ANKS1B: variants seen among roughly 807,000 people sequenced by gnomAD.
The protein encoded by ANKS1B is ankyrin repeat and sterile alpha motif domain containing 1B.
ANKS1B carries 36 observed loss-of-function variants against 148.3 expected under a neutral mutation model. The ratio of observed to expected loss-of-function variants is 0.24; its 90% CI spans 0.19 to 0.32. ANKS1B has a LOEUF of 0.32. Ranked by LOEUF, ANKS1B falls within the 10% of genes least tolerant of loss-of-function variation. ANKS1B has a pLI of 1.00. For missense variants in ANKS1B, 1,157 were observed against 1,542.6 expected (o/e 0.75, Z 4.19); for synonymous variants, 542 against 560.8 (o/e 0.97, Z 0.47).
intron 17 of ANKS1B, among the ~76,000 whole-genome samples, chr12:98,853,077 A>G (rs564205264): frequency 1.3e-5 from 2 of 152,362 alleles, no homozygotes; most frequent in South Asian, 4.1e-4. Flanking sequence ...CAGAAGCTGG[A>G]TACTGTCTTA....
At chr12:99,640,897 C>T (rs1325911735) in intron 9 of ANKS1B, among the ~76,000 whole-genome samples, 1 of 152,068 alleles carries the variant, frequency 6.6e-6, no homozygotes, top group Admixed American at 6.6e-5. Flanking sequence ...TTTATTTTTT[C>T]AGAAAATATA....
intron 9 of ANKS1B, among the ~76,000 whole-genome samples, chr12:99,608,622 T>C (rs550349212): frequency 2.6e-5 from 4 of 151,930 alleles, no homozygotes; most frequent in Non-Finnish European, 4.4e-5. Flanking sequence ...ATGCCAAAGA[T>C]ATCAGGGAGC....
At chr12:99,001,101 G>T (rs1005682240) in intron 17 of ANKS1B, among the ~76,000 whole-genome samples, 2 of 151,906 alleles carry the variant, frequency 1.3e-5, no homozygotes, top group Non-Finnish European at 2.9e-5. Context: ...TGAACAGTGG[G>T]ATACTAATAT....
At chr12:99,196,188 T>A (rs980802073) in intron 14 of ANKS1B, among the ~76,000 whole-genome samples, 1 of 152,180 alleles carries the variant, frequency 6.6e-6, no homozygotes, top group African/African-American at 2.4e-5. Flanking sequence ...GGGAATTACT[T>A]TTATAATCAG....
chr12:99,429,260 T>A (rs2095321836), intron 11 of ANKS1B, among the ~76,000 whole-genome samples: 1 of 152,132 alleles, frequency 6.6e-6, no homozygotes, highest in African/African-American at 2.4e-5. Context: ...AAAATCATTA[T>A]CACAAATCAA....
chr12:99,451,886 A>C (rs1015662095), intron 10 of ANKS1B, among the ~76,000 whole-genome samples: 2 of 152,132 alleles, frequency 1.3e-5, no homozygotes, highest in Non-Finnish European at 2.9e-5. Context: ...TATCAGATAT[A>C]TGAATATAAT....
intron 12 of ANKS1B, among the ~76,000 whole-genome samples, chr12:99,287,317 C>T (rs1823508548): frequency 6.6e-6 from 1 of 152,154 alleles, no homozygotes; most frequent in African/African-American, 2.4e-5. Flanking sequence ...GGTATTTCTA[C>T]AAGTCTGTAA....
At chr12:98,933,849 GT>G (rs918360360) in intron 17 of ANKS1B, among the ~76,000 whole-genome samples, 10 of 150,578 alleles carry the variant, frequency 6.6e-5, no homozygotes, top group African/African-American at 2.2e-4. Flanking sequence ...ATGTTACTAG[GT>G]TTTTTTTTCT....
chr12:98,962,000 A>AGAAG (rs893877651), intron 17 of ANKS1B, among the ~76,000 whole-genome samples: 37 of 151,946 alleles, frequency 2.4e-4, no homozygotes, highest in Admixed American at 5.2e-4. Context: ...AAGAAAAGAA[A>AGAAG]GAAGGAAGGA....
chr12:99,549,312 A>G (rs185462491), intron 9 of ANKS1B, among the ~76,000 whole-genome samples: 4 of 152,280 alleles, frequency 2.6e-5, no homozygotes, highest in Non-Finnish European at 5.9e-5. Context: ...CTTTAATCCA[A>G]TTTTCAAAAT....
chr12:98,857,159 A>AGAG (rs1230343881), intron 17 of ANKS1B, among the ~76,000 whole-genome samples: 1 of 152,214 alleles, frequency 6.6e-6, no homozygotes, highest in African/African-American at 2.4e-5. Context: ...CATGGAGCAC[A>AGAG]GAGGAGGAAG....
chr12:99,453,515 G>A (rs537436000), intron 10 of ANKS1B, among the ~76,000 whole-genome samples: 3 of 152,202 alleles, frequency 2.0e-5, no homozygotes, highest in Middle Eastern at 3.4e-3. Flanking sequence ...ACTGAACCTT[G>A]TTAACAGCCA....
chr12:99,439,327 G>C (rs973125914), intron 11 of ANKS1B, among the ~76,000 whole-genome samples: 1 of 151,610 alleles, frequency 6.6e-6, no homozygotes, highest in African/African-American at 2.4e-5. Flanking sequence ...AAAATATTCT[G>C]CTCATCAAAA....
chr12:98,929,423 C>G (rs758404520), intron 17 of ANKS1B, among the ~76,000 whole-genome samples: 12 of 151,920 alleles, frequency 7.9e-5, no homozygotes, highest in Non-Finnish European at 1.5e-4. Context: ...AATTAATGAG[C>G]TGATCCTAAA....
intron 17 of ANKS1B, among the ~76,000 whole-genome samples, chr12:98,867,454 C>A (rs1362339900): frequency 2.6e-5 from 4 of 152,200 alleles, no homozygotes; most frequent in Non-Finnish European, 5.9e-5. Flanking sequence ...GAGGAAAGAG[C>A]TGAATCAAAA....
chr12:99,624,553 A>G (rs1430433346), intron 9 of ANKS1B, among the ~76,000 whole-genome samples: 7 of 152,120 alleles, frequency 4.6e-5, no homozygotes, highest in Non-Finnish European at 1.0e-4. Context: ...TCAACAAGCA[A>G]AAAGCAAATA....
chr12:99,248,099 TTAA>T (rs1207578521), intron 12 of ANKS1B, among the ~76,000 whole-genome samples: 3 of 152,184 alleles, frequency 2.0e-5, no homozygotes, highest in Non-Finnish European at 4.4e-5. Context: ...GAAGTGATTA[TTAA>T]TAATAATTAT....
chr12:99,625,724 T>A (rs2098106144), intron 9 of ANKS1B, among the ~76,000 whole-genome samples: 1 of 152,108 alleles, frequency 6.6e-6, no homozygotes, highest in African/African-American at 2.4e-5. Flanking sequence ...CAAATAAATA[T>A]AAATACTTCT....
At chr12:99,073,609 G>A (rs560705212) in intron 16 of ANKS1B, among the ~76,000 whole-genome samples, 1 of 151,950 alleles carries the variant, frequency 6.6e-6, no homozygotes, top group African/African-American at 2.4e-5. Flanking sequence ...TCTTTTTCTT[G>A]TATTTCTAGA....
Sources: gnomAD v4.1 joint callset for allele counts (sites outside exome capture counted in the v4.1 genomes callset) on GRCh38, gnomAD v4.1.1 for gene constraint, MANE v1.5 for transcripts, NCBI Gene and HGNC (gene_info 2026-07-23, HGNC 2026-07-21) for gene names.